The following ZNF607 variants were observed in gnomAD, a reference collection of about 807,000 sequenced individuals.
ZNF607 encodes zinc finger protein 607.
Under a neutral mutation model 12.8 loss-of-function variants are expected in ZNF607, and 5 were observed. The ratio of observed to expected loss-of-function variants is 0.39; its 90% CI spans 0.20 to 0.82. The LOEUF (loss-of-function observed/expected upper bound fraction) is 0.82. Ranked by LOEUF, ZNF607 falls within the 40% of genes least tolerant of loss-of-function variation. The pLI is 0.39. For synonymous variants in ZNF607, 287 were observed against 276.2 expected, an observed-to-expected ratio of 1.04 and a Z score of -0.39; for missense variants, 851 against 859.2, an observed-to-expected ratio of 0.99 and a Z score of 0.12.
At chr19:37,701,152 G>C (rs182426169) in intron 4 of ZNF607, among the ~76,000 whole-genome samples, 1 of 152,044 alleles carries the variant, frequency 6.6e-6, no homozygotes, top group Non-Finnish European at 1.5e-5. Flanking sequence ...AAACAATTCA[G>C]GAAGGGAACA....
At position 37,709,703 on chromosome 19, in the gene ZNF607, G is replaced by C; in HGVS notation, c.129C>G (p.Val43=). The part of the protein sequence containing the change: ...EVMMENYDNL[V]SLAGHSVSKP... ...CCAGGTTGATAAACATACCCAATGA[G>C]ACTAAGTTGTCATAGTTCTCCATCA... The change falls in exon 3 of 5, where the codon GTC becomes GTG. Residue 43 remains valine (V), a synonymous_variant. Coordinates refer to ENST00000355202, the MANE Select transcript of ZNF607 (RefSeq NM_032689.5). 1 of 1,613,722 alleles carries C rather than the reference G, an allele frequency of 6.2e-7. No individual in the cohort carries two copies. The highest frequency in any genetic ancestry group is 8.5e-7 in the Non-Finnish European group (1 of 1,179,700).
rs2044983330 is a variant in ZNF607, at chr19:37,697,184, T to C, written c.*856A>G. 1 of 736,308 alleles carries C rather than the reference T, an allele frequency of 1.4e-6. No individual in the cohort carries two copies. The highest frequency in any genetic ancestry group is 2.5e-6 in the Non-Finnish European group (1 of 394,302). The allele number at this position is 736,308 out of a possible 1,614,324, so 45.6% of individuals were successfully genotyped here. A position where few individuals can be genotyped will look rare whatever the true frequency, so the allele number is the denominator to read the frequency against. Reference sequence around the variant, plus strand: ...TACCAGTGATGACTGGCGCACTACGTGGTTGAGAACAGCAGTCAAAGATAA... The same window carrying C: ...TACCAGTGATGACTGGCGCACTACGCGGTTGAGAACAGCAGTCAAAGATAA... On this transcript the variant is annotated 3_prime_UTR_variant, in exon 5 of 5. Coordinates refer to ENST00000355202, the MANE Select transcript of ZNF607 (RefSeq NM_032689.5).
At chr19:37,709,338 G>A (rs1180335576) in intron 3 of ZNF607, among the ~76,000 whole-genome samples, 1 of 152,134 alleles carries the variant, frequency 6.6e-6, no homozygotes, top group Admixed American at 6.5e-5. Flanking sequence ...ATAAAATGGA[G>A]CACTATAGCA....
At chr19:37,706,671 C>G (rs34991303) in intron 4 of ZNF607, 79,790 of 143,798 alleles carry the variant, frequency 0.55, 21,802 homozygotes, top group Middle Eastern at 0.68. Context: ...AGACGGCTCG[C>G]GTTGTAACTT....
chr19:37,704,793 T>C (rs966482363), intron 4 of ZNF607, among the ~76,000 whole-genome samples: 3 of 151,478 alleles, frequency 2.0e-5, no homozygotes, highest in Non-Finnish European at 4.4e-5. Context: ...TCGTCTCTAC[T>C]AAAAATACAA....
rs2045014577 is a variant in ZNF607 at position 37,699,229 on chromosome 19, C to A, written c.902G>T (p.Arg301Ile). The change falls in exon 5 of 5, where the codon AGA becomes ATA. Residue 301 changes from arginine to isoleucine, a missense_variant. Arg to Ile is a moderately conservative substitution (Grantham distance 97). Coordinates refer to ENST00000355202, the MANE Select transcript of ZNF607 (RefSeq NM_032689.5). ...ATAGGGTTTTTCTCCAGTATGAATTCTTTTATGACCCACAAGGTGGGAAAA... is the reference window on the plus strand; with the variant it reads ...ATAGGGTTTTTCTCCAGTATGAATTATTTTATGACCCACAAGGTGGGAAAA... ...RQFSHLVGHK[R>I]IHTGEKPYEC... 8 of 1,614,124 alleles carry A rather than the reference C, an allele frequency of 5.0e-6. No individual in the cohort carries two copies. The highest frequency in any genetic ancestry group is 1.6e-4 in the Middle Eastern group (1 of 6,062).
chr19:37,699,625 G>C lies in ZNF607; in HGVS notation c.506C>G (p.Pro169Arg), dbSNP rs2045020458. The change falls in exon 5 of 5, where the codon CCT becomes CGT. Residue 169 changes from proline (P) to arginine (R), a missense_variant. Coordinates refer to ENST00000355202, the MANE Select transcript of ZNF607 (RefSeq NM_032689.5). ...KHQKINAREKPYECEECGKVF... is the reference protein window; with the variant it reads ...KHQKINAREKRYECEECGKVF... The stretch of plus-strand genomic sequence containing the variant: ...CTTCCCACATTCTTCACATTCATAA[G>C]GTTTCTCACGAGCATTAATTTTCTG... 2 of 1,614,112 alleles carry C rather than the reference G, an allele frequency of 1.2e-6. No individual in the cohort carries two copies. Among genetic ancestry groups the C allele is most frequent in the Non-Finnish European group, 1.7e-6 (2 of 1,180,008 alleles).
At chr19:37,701,861 A>G (rs545444143) in intron 4 of ZNF607, among the ~76,000 whole-genome samples, 18 of 152,202 alleles carry the variant, frequency 1.2e-4, no homozygotes, top group Non-Finnish European at 1.6e-4. Context: ...CATAGGAGAT[A>G]TAACCATGGG....
rs1319782565 is a variant in ZNF607, at chr19:37,698,144, G to A, written c.1987C>T (p.His663Tyr). The change falls in exon 5 of 5, where the codon CAT (histidine) becomes TAT (tyrosine). Residue 663 changes from histidine (H) to tyrosine (Y), a missense_variant. By Grantham distance (83) the His-to-Tyr change is moderately conservative (BLOSUM62 2). Transcript: ENST00000355202. ...AFNSSHELSI[H>Y]HRVHTGEKPF... ...TTCTCACCAGTATGAACTCTATGAT[G>A]TATACTAAGTTCATGGCTACTATTA... 6 of 1,613,868 alleles carry A rather than the reference G, an allele frequency of 3.7e-6. No homozygotes were observed. Among genetic ancestry groups the A allele is most frequent in the Non-Finnish European group, 5.1e-6 (6 of 1,179,940 alleles).
At chr19:37,716,886 A>C (rs2045180438) in intron 1 of ZNF607, among the ~76,000 whole-genome samples, 1 of 152,190 alleles carries the variant, frequency 6.6e-6, no homozygotes, top group Admixed American at 6.5e-5. Context: ...TAGAATGAAA[A>C]ATCAGCGTGA....
chr19:37,712,856 G>C (rs1201425387), intron 1 of ZNF607, among the ~76,000 whole-genome samples: 1 of 151,778 alleles, frequency 6.6e-6, no homozygotes, highest in African/African-American at 2.4e-5. Context: ...GGTTCCTTTG[G>C]GTCCCCAAAC....
intron 4 of ZNF607, among the ~76,000 whole-genome samples, chr19:37,706,087 G>A (rs967483263): frequency 6.6e-6 from 1 of 151,720 alleles, no homozygotes; most frequent in Non-Finnish European, 1.5e-5. Flanking sequence ...CCAGCTGCTC[G>A]AGAGGCGGAG....
At chr19:37,712,064 A>G (rs1285197729) in intron 1 of ZNF607, among the ~76,000 whole-genome samples, 1 of 152,242 alleles carries the variant, frequency 6.6e-6, no homozygotes, top group Non-Finnish European at 1.5e-5. Flanking sequence ...AACATCATCC[A>G]TACCAGAACC....
chr19:37,711,246 C>A (rs546105632), intron 2 of ZNF607, among the ~76,000 whole-genome samples: 24 of 152,276 alleles, frequency 1.6e-4, no homozygotes, highest in Admixed American at 1.4e-3. Context: ...AAAGACTTCC[C>A]ATGGATGGTC....
At position 37,699,846 on chromosome 19, in the gene ZNF607, A is replaced by G; in HGVS notation, c.285T>C (p.Tyr95=). ...EIISDGKMQL[Y]RKHSCVTLHQ... ...GGAGAGTAACACATGAGTGTTTCCT[A>G]TAAAGCTGCATTTTCCCATCGCTGA... The change falls in exon 5 of 5, where the codon TAT becomes TAC. Residue 95 remains tyrosine, a synonymous_variant. Coordinates refer to ENST00000355202, the MANE Select transcript of ZNF607 (RefSeq NM_032689.5). 1 of 1,606,866 alleles carries G rather than the reference A, an allele frequency of 6.2e-7. No individual in the cohort carries two copies.
rs1195789206 is a variant in ZNF607, at chr19:37,708,081, G to C, written c.137-69C>G. On this transcript the variant is annotated intron_variant, in intron 3 of 4. Transcript: ENST00000355202. ...GAAGGTAAAATTTAAAATTACAATT[G>C]CAATAAATGAAAGGTCAAAGTGATA... 5 of 1,285,826 alleles carry C rather than the reference G, an allele frequency of 3.9e-6. No individual in the cohort carries two copies. The East Asian group carries it at 9.4e-5, about 24-fold the overall frequency. 79.7% of individuals were successfully genotyped at this position (1,285,826 alleles called of 1,614,324 possible).
chr19:37,701,689 G>C (rs1217844771), intron 4 of ZNF607, among the ~76,000 whole-genome samples: 2 of 152,140 alleles, frequency 1.3e-5, no homozygotes, highest in Non-Finnish European at 2.9e-5. Context: ...TTTTATATTC[G>C]AGTGCTATTT....
intron 1 of ZNF607, among the ~76,000 whole-genome samples, chr19:37,718,384 G>A (rs1188584836): frequency 1.3e-5 from 2 of 152,136 alleles, no homozygotes; most frequent in East Asian, 1.9e-4. Context: ...CAAGGCTGCA[G>A]GCGCGTAATT....
At position 37,697,818 on chromosome 19, in the gene ZNF607, C is replaced by T. The variant is rs1046293310; in HGVS notation, c.*222G>A. 2.4e-6 allele frequency: 1 copy of T among 418,210 alleles called. No homozygotes were observed. Among genetic ancestry groups the T allele is most frequent in the East Asian group, 3.8e-5 (1 of 26,604 alleles). The allele number at this position is 418,210 out of a possible 1,614,324, so 25.9% of individuals were successfully genotyped here. A position where few individuals can be genotyped will look rare whatever the true frequency, so the allele number is the denominator to read the frequency against. On this transcript the variant is annotated 3_prime_UTR_variant, in exon 5 of 5. Coordinates refer to ENST00000355202, the MANE Select transcript of ZNF607 (RefSeq NM_032689.5). ...GTTTTCTTATGTTATTAAAAAAATA[C>T]ATTATAAATTCTCTGAATCTGAGTT... is the stretch of plus-strand genomic sequence containing the variant.
Sources: allele counts gnomAD v4.1 joint callset (sites outside exome capture counted in the v4.1 genomes callset), GRCh38; gene constraint gnomAD v4.1.1; transcripts MANE v1.5; gene names NCBI Gene and HGNC (gene_info 2026-07-23, HGNC 2026-07-21).